PRDM9: variants seen among roughly 807,000 people sequenced by gnomAD.
PRDM9 encodes the protein histone-lysine N-methyltransferase PRDM9.
A neutral mutation model predicts 55.6 loss-of-function variants in PRDM9; 47 were observed. That is an observed-to-expected ratio of 0.85 (90% confidence interval 0.67 to 1.08). The LOEUF is 1.08. PRDM9 is among the 50% of genes least tolerant of loss of function. The probability of loss-of-function intolerance (pLI) is 0.00; values close to 1 mark genes in which losing one functional copy is unlikely to be tolerated. For synonymous variants in PRDM9, 312 were observed against 375.7 expected, an observed-to-expected ratio of 0.83 and a Z score of 1.96; for missense variants, 867 against 1,040.3, an observed-to-expected ratio of 0.83 and a Z score of 2.29.
intron 4 of PRDM9, among the ~76,000 whole-genome samples, chr5:23,510,272 GCTGGT>G (rs563505710): frequency 1.7e-4 from 26 of 152,030 alleles, no homozygotes; most frequent in Middle Eastern, 3.4e-3. Context: ...TGTTGGTCAA[GCTGGT>G]CTCGAACTCC....
intron 4 of PRDM9, among the ~76,000 whole-genome samples, chr5:23,511,598 G>T (rs1739100202): frequency 6.6e-6 from 1 of 151,972 alleles, no homozygotes; most frequent in Non-Finnish European, 1.5e-5. Flanking sequence ...CACCCGCCTT[G>T]GTCTCCCAAA....
chr5:23,511,179 C>T (rs1250030614), intron 4 of PRDM9, among the ~76,000 whole-genome samples: 1 of 151,850 alleles, frequency 6.6e-6, no homozygotes, highest in Non-Finnish European at 1.5e-5. Flanking sequence ...AAATAGTGAC[C>T]TCCTGAAACC....
Position 23,526,749 on chromosome 5 carries a change from G to A in PRDM9, c.1661G>A (p.Cys554Tyr), listed in dbSNP as rs1739448994. The A allele has an allele frequency of 6.3e-7, 1 of 1,598,168 alleles. No homozygotes were observed. The highest frequency in any genetic ancestry group is 1.1e-5 in the South Asian group (1 of 89,398). ...RTHTGEKLYVCRECGRGFSWK... is the reference protein window; with the variant it reads ...RTHTGEKLYVYRECGRGFSWK... ...CATACAGGGGAGAAGCTCTACGTCT[G>A]CAGGGAGTGTGGGCGGGGCTTTAGC... The change falls in exon 11 of 11, where the codon TGC (cysteine) becomes TAC (tyrosine). Residue 554 changes from cysteine (C) to tyrosine (Y), a missense_variant. Coordinates refer to ENST00000296682, the MANE Select transcript of PRDM9 (RefSeq NM_020227.4).
rs1279922934 is a variant in PRDM9, at chr5:23,522,775, C to T, written c.772C>T (p.Leu258Phe). 8.7e-6 allele frequency: 14 copies of T among 1,614,096 alleles called. No individual in the cohort carries two copies. Among genetic ancestry groups the T allele is most frequent in the African/African-American group, 1.3e-5 (1 of 74,940 alleles). ...GCCATCAGGCATCCCTCAGGCTGGGCTTGGAGTATGGAATGAGGCATCTGA... is the reference window on the plus strand; with the variant it reads ...GCCATCAGGCATCCCTCAGGCTGGGTTTGGAGTATGGAATGAGGCATCTGA... Reference protein sequence around the residue: ...IGPSGIPQAGLGVWNEASDLP... With the variant: ...IGPSGIPQAGFGVWNEASDLP... The change falls in exon 8 of 11, where the codon CTT (leucine) becomes TTT (phenylalanine). Residue 258 changes from leucine to phenylalanine, a missense_variant. This residue lies in a region of PRDM9 where 662 missense variants were observed against 711.9 expected (regional missense o/e 0.93). Transcript: ENST00000296682.
At chr5:23,509,446 G>A (rs1165705975) in intron 2 of PRDM9, 24 bp from the exon 3 acceptor site, 1 of 1,613,994 alleles carries the variant, frequency 6.2e-7, no homozygotes, top group Non-Finnish European at 8.5e-7. Context: ...GTAAATCACT[G>A]ATGGAATCTG....
At chr5:23,522,244 T>C in intron 6 of PRDM9, 60 bp from the exon 7 acceptor site, 1 of 1,385,502 alleles carries the variant, frequency 7.2e-7, no homozygotes, top group Non-Finnish European at 1.0e-6. Context: ...CATTTTCTTA[T>C]GAAACAAGGA....
At chr5:23,524,762 A>G (rs568752342) in intron 10 of PRDM9, among the ~76,000 whole-genome samples, 1 of 152,350 alleles carries the variant, frequency 6.6e-6, no homozygotes, top group South Asian at 2.1e-4. Flanking sequence ...CACAAAGTAT[A>G]TAACAGCATA....
rs1175389023 is a variant in PRDM9 at position 23,526,346 on chromosome 5, T to G, written c.1258T>G (p.Ser420Ala). Residue 420 changes from serine to alanine, a missense_variant, in exon 11 of 11, where the codon TCT becomes GCT. This residue lies in a region of PRDM9 where 662 missense variants were observed against 711.9 expected (regional missense o/e 0.93). Coordinates refer to ENST00000296682, the MANE Select transcript of PRDM9 (RefSeq NM_020227.4). ...NHSSQNFPGP[S>A]ARKLLQPENP... ...CTCCTCTCAGAACTTCCCAGGACCA[T>G]CTGCAAGAAAACTCCTCCAACCAGA... 3 of 1,614,086 alleles carry G rather than the reference T, an allele frequency of 1.9e-6. No homozygotes were observed. The South Asian group carries it at 3.3e-5, about 18-fold the overall frequency.
intron 3 of PRDM9, 149 bp from the exon 4 acceptor site, chr5:23,509,771 C>T: frequency 7.4e-7 from 1 of 1,346,484 alleles, no homozygotes; most frequent in Non-Finnish European, 1.1e-6. Flanking sequence ...GGATATTGAC[C>T]ATGCAGAGGT....
chr5:23,522,399 T>G lies in PRDM9; in HGVS notation c.604T>G (p.Tyr202Asp), dbSNP rs1356759200. ...KEVSEPQDDD[Y>D]LYCEMCQNFF... ...GGTCAGCGAGCCGCAGGATGATGAT[T>G]ACCTCTGTAAGTGACACTTTTGGCC... The change falls in exon 7 of 11, where the codon TAC (tyrosine) becomes GAC (aspartate). Residue 202 changes from tyrosine (Y) to aspartate (D), a missense_variant. Physicochemically the swap from Tyr to Asp is radical, Grantham distance 160 (BLOSUM62 -3). Around this residue, in one of 5 missense-constraint regions of PRDM9, gnomAD observed 662 missense variants for 711.9 expected, o/e 0.93. Coordinates refer to ENST00000296682, the MANE Select transcript of PRDM9 (RefSeq NM_020227.4). 6.2e-7 allele frequency: 1 copy of G among 1,613,578 alleles called. No homozygotes were observed. The highest frequency in any genetic ancestry group is 1.7e-5 in the Admixed American group (1 of 60,022).
intron 10 of PRDM9, 107 bp downstream of exon 10, chr5:23,524,634 A>C: frequency 6.6e-7 from 1 of 1,506,358 alleles, no homozygotes; most frequent in Non-Finnish European, 9.1e-7. Context: ...TAAAGTCAGT[A>C]AGATTTCAAA....
intron 5 of PRDM9, 86 bp downstream of exon 5, chr5:23,518,016 T>C: frequency 1.7e-6 from 2 of 1,210,558 alleles, no homozygotes; most frequent in African/African-American, 1.5e-5. Context: ...CAGACTATCA[T>C]AGGAACTAAT....
intron 9 of PRDM9, among the ~76,000 whole-genome samples, 168 bp downstream of exon 9, chr5:23,523,526 A>T (rs537676968): frequency 6.6e-6 from 1 of 152,334 alleles, no homozygotes; most frequent in South Asian, 2.1e-4. Flanking sequence ...ATAAATAAAA[A>T]TATAGATATT....
In PRDM9 at chr5:23,526,342, A is replaced by T; in HGVS notation, c.1254A>T (p.Gly418=). The T allele has an allele frequency of 6.2e-7, 1 of 1,614,208 alleles. No homozygotes were observed. The highest frequency in any genetic ancestry group is 8.5e-7 in the Non-Finnish European group (1 of 1,180,044). ...ERNHSSQNFP[G]PSARKLLQPE... ...ATCACTCCTCTCAGAACTTCCCAGG[A>T]CCATCTGCAAGAAAACTCCTCCAAC... Residue 418 remains glycine, a synonymous_variant, in exon 11 of 11, where the codon GGA becomes GGT. Transcript: ENST00000296682.
intron 4 of PRDM9, among the ~76,000 whole-genome samples, chr5:23,516,791 T>C (rs1480719370): frequency 7.1e-6 from 1 of 141,762 alleles, no homozygotes; most frequent in South Asian, 2.4e-4. Flanking sequence ...ACGATCTCGG[T>C]TCACTGCAAC....
At chr5:23,520,978 A>G in intron 5 of PRDM9, 45 bp from the exon 6 acceptor site, 1 of 1,606,788 alleles carries the variant, frequency 6.2e-7, no homozygotes, top group Non-Finnish European at 8.5e-7. Context: ...GTAAAGAACT[A>G]AAGAAATTCG....
chr5:23,513,647 C>T (rs557717541), intron 4 of PRDM9, among the ~76,000 whole-genome samples: 8 of 152,002 alleles, frequency 5.3e-5, no homozygotes, highest in South Asian at 2.1e-4. Context: ...TTTGGTAGGC[C>T]GAGGCAGGTG....
At chr5:23,518,181 G>A (rs1314616727) in intron 5 of PRDM9, among the ~76,000 whole-genome samples, 1 of 152,078 alleles carries the variant, frequency 6.6e-6, no homozygotes, top group Non-Finnish European at 1.5e-5. Context: ...TTTACATATA[G>A]TTCCTATTCA....
At chr5:23,509,177 A>T in intron 2 of PRDM9, 75 bp downstream of exon 2, 1 of 1,575,730 alleles carries the variant, frequency 6.3e-7, no homozygotes, top group East Asian at 2.3e-5. Context: ...CCTGGCCTGT[A>T]CCCTTGGGGG....
Sources: allele counts gnomAD v4.1 joint callset (sites outside exome capture counted in the v4.1 genomes callset), GRCh38; gene constraint gnomAD v4.1.1; regional missense constraint gnomAD v4.1.1; transcripts MANE v1.5; gene names NCBI Gene and HGNC (gene_info 2026-07-23, HGNC 2026-07-21).